Variants in NPLOC4 observed in about 807,000 individuals in gnomAD.
NPLOC4 encodes the protein NPL4 homolog, ubiquitin recognition factor.
Under a neutral mutation model 80.6 loss-of-function variants are expected in NPLOC4, and 18 were observed. That is an observed-to-expected ratio of 0.22 (90% confidence interval 0.15 to 0.33). The LOEUF is 0.33. Ranked by LOEUF, NPLOC4 falls within the 10% of genes least tolerant of loss-of-function variation. NPLOC4 has a pLI of 1.00. For synonymous variants in NPLOC4, 313 were observed against 301.5 expected (o/e 1.04, Z -0.39); for missense variants, 540 against 786.1 (o/e 0.69, Z 3.74).
chr17:81,590,343 G>A (rs756405131), intron 11 of NPLOC4, among the ~76,000 whole-genome samples: 2 of 152,276 alleles, frequency 1.3e-5, no homozygotes, highest in African/African-American at 2.4e-5. Context: ...GCTGAGAGGC[G>A]GCAGTGTGGT....
Position 81,559,052 on chromosome 17 carries a change from A to T in NPLOC4, c.*207T>A. The T allele has an allele frequency of 3.5e-6, 2 of 577,140 alleles. No homozygotes were observed. The highest frequency in any genetic ancestry group is 6.1e-6 in the Non-Finnish European group (2 of 328,888). 35.8% of individuals were successfully genotyped at this position (577,140 alleles called of 1,614,324 possible). ...CGTTTCCAGTCTGGAGACTGCATTC[A>T]GCCTGCAGAATACCAGCCGTGGCGC... On this transcript the variant is annotated 3_prime_UTR_variant, in exon 17 of 17. Coordinates refer to ENST00000331134, the MANE Select transcript of NPLOC4 (RefSeq NM_017921.4).
chr17:81,615,617 A>C (rs1362787470), intron 3 of NPLOC4, among the ~76,000 whole-genome samples: 1 of 152,222 alleles, frequency 6.6e-6, no homozygotes, highest in African/African-American at 2.4e-5. Flanking sequence ...TGTGGGGCCA[A>C]GGCCACTCTC....
intron 9 of NPLOC4, among the ~76,000 whole-genome samples, chr17:81,598,864 C>G (rs1036575575): frequency 6.6e-6 from 1 of 152,202 alleles, no homozygotes; most frequent in Non-Finnish European, 1.5e-5. Context: ...GAGACTTTCA[C>G]TGTCTTTAAA....
chr17:81,589,706 GAAAAA>G (rs974290983), intron 11 of NPLOC4, among the ~76,000 whole-genome samples: 2 of 151,544 alleles, frequency 1.3e-5, no homozygotes, highest in African/African-American at 4.9e-5. Context: ...TTAAACTTTT[GAAAAA>G]AAGAAAAGAA....
At chr17:81,631,041 C>A (rs1020486829) in intron 1 of NPLOC4, among the ~76,000 whole-genome samples, 1 of 151,578 alleles carries the variant, frequency 6.6e-6, no homozygotes, top group African/African-American at 2.4e-5. Flanking sequence ...GGCGTGGTGG[C>A]GGGCACCTGT....
At chr17:81,587,037 A>T (rs892344751) in intron 12 of NPLOC4, among the ~76,000 whole-genome samples, 1 of 152,360 alleles carries the variant, frequency 6.6e-6, no homozygotes, top group South Asian at 2.1e-4. Context: ...CGCCAGTAAC[A>T]AGGACAGACA....
At chr17:81,559,489 G>A (rs547385419) in intron 16 of NPLOC4, 73 bp from the exon 17 acceptor site, 18 of 1,478,458 alleles carry the variant, frequency 1.2e-5, no homozygotes, top group Middle Eastern at 2.1e-4. Context: ...GGGCATGGGG[G>A]CAGGGGCAGG....
At chr17:81,615,100 CTTTT>C (rs1555686152) in intron 3 of NPLOC4, among the ~76,000 whole-genome samples, 2 of 133,572 alleles carry the variant, frequency 1.5e-5, no homozygotes, top group South Asian at 4.6e-4. Context: ...ACGTCTGTTT[CTTTT>C]TTTTTTTTTT....
chr17:81,589,126 A>G lies in NPLOC4; in HGVS notation c.1121-22T>C, dbSNP rs751121560. The G allele has an allele frequency of 2.3e-5, 37 of 1,604,774 alleles. 1 individual carries two copies. The highest frequency in any genetic ancestry group is 2.0e-4 in the Admixed American group (12 of 58,596). On this transcript the variant is annotated intron_variant, in intron 11 of 16. Coordinates refer to ENST00000331134, the MANE Select transcript of NPLOC4 (RefSeq NM_017921.4). ...CCACCTGCAAGAGAGAGACCTTTAA[A>G]AAGAGTCTACCAAACGGCATTCAAA... is the stretch of plus-strand genomic sequence containing the variant.
chr17:81,584,144 C>T (rs2034514315), intron 12 of NPLOC4, among the ~76,000 whole-genome samples: 1 of 152,176 alleles, frequency 6.6e-6, no homozygotes. Flanking sequence ...CATGTCACCT[C>T]CAACCGCAAA....
At chr17:81,589,161 T>C in intron 11 of NPLOC4, 57 bp from the exon 12 acceptor site, 3 of 1,473,104 alleles carry the variant, frequency 2.0e-6, no homozygotes, top group Admixed American at 2.0e-5. Flanking sequence ...AACCAGTCCA[T>C]ATCTGTTAAC....
At chr17:81,587,732 G>T (rs1213862930) in intron 12 of NPLOC4, among the ~76,000 whole-genome samples, 1 of 130,886 alleles carries the variant, frequency 7.6e-6, no homozygotes, top group African/African-American at 2.9e-5. Flanking sequence ...GGAGTGCAGT[G>T]GCACGATCTT....
chr17:81,591,466 A>AAAAAAAAC (rs2034741817), intron 11 of NPLOC4, among the ~76,000 whole-genome samples: 6 of 142,486 alleles, frequency 4.2e-5, no homozygotes, highest in African/African-American at 1.6e-4. Context: ...AAAAAAAAAA[A>AAAAAAAAC]AAAAAACCTG....
chr17:81,576,217 T>C (rs1193306638), intron 12 of NPLOC4, among the ~76,000 whole-genome samples: 1 of 152,144 alleles, frequency 6.6e-6, no homozygotes, highest in African/African-American at 2.4e-5. Flanking sequence ...CATAAATGGA[T>C]TATGGATCTC....
In NPLOC4 at chr17:81,608,752, C is replaced by G; in HGVS notation, c.506G>C (p.Arg169Pro). 1 of 1,591,696 alleles carries G rather than the reference C, an allele frequency of 6.3e-7. No individual in the cohort carries two copies. Among genetic ancestry groups the G allele is most frequent in the Non-Finnish European group, 8.6e-7 (1 of 1,168,760 alleles). The change falls in exon 6 of 17, where the codon CGG (arginine) becomes CCG (proline). Residue 169 changes from arginine (R) to proline (P), a missense_variant. Coordinates refer to ENST00000331134, the MANE Select transcript of NPLOC4 (RefSeq NM_017921.4). ...CTTGTCAGCCCCTCCAGTCAGCTTC[C>G]GGATGTAGGCGTGGAAGGACATGTG... ...VKHMSFHAYI[R>P]KLTGGADKGK... is the part of the protein sequence containing the mutation.
chr17:81,566,224 C>T (rs1000477074), intron 15 of NPLOC4, among the ~76,000 whole-genome samples: 9 of 152,032 alleles, frequency 5.9e-5, no homozygotes, highest in East Asian at 1.9e-4. Flanking sequence ...CCCAGCTACT[C>T]GGGAGGCTGA....
At chr17:81,625,417 G>A (rs539774087) in intron 2 of NPLOC4, among the ~76,000 whole-genome samples, 11 of 152,306 alleles carry the variant, frequency 7.2e-5, no homozygotes, top group African/African-American at 2.4e-4. Flanking sequence ...TCTACACCGA[G>A]GGGTCATCAG....
At chr17:81,615,916 G>A (rs1191019781) in intron 3 of NPLOC4, among the ~76,000 whole-genome samples, 1 of 152,242 alleles carries the variant, frequency 6.6e-6, no homozygotes, top group Non-Finnish European at 1.5e-5. Flanking sequence ...AACCAGGGAT[G>A]ATGCCATTTG....
intron 4 of NPLOC4, among the ~76,000 whole-genome samples, chr17:81,611,401 G>A (rs1161051303): frequency 6.6e-6 from 1 of 151,678 alleles, no homozygotes; most frequent in Non-Finnish European, 1.5e-5. Context: ...CCAGGCTGGA[G>A]TGCAGAGGTA....
Sources: gnomAD v4.1 joint callset for allele counts (sites outside exome capture counted in the v4.1 genomes callset) on GRCh38, gnomAD v4.1.1 for gene constraint, MANE v1.5 for transcripts, NCBI Gene and HGNC (gene_info 2026-07-23, HGNC 2026-07-21) for gene names.